Variants in EPHX2 observed in about 807,000 individuals in gnomAD.
The protein encoded by EPHX2 is bifunctional epoxide hydrolase 2.
EPHX2 carries 74 observed loss-of-function variants against 78.7 expected under a neutral mutation model. The observed-to-expected ratio is 0.94, with a 90% confidence interval of 0.78 to 1.14. EPHX2 has a LOEUF of 1.14. Ranked by LOEUF, EPHX2 falls within the 50% of genes most tolerant of loss-of-function variation. The pLI is 0.00. For synonymous variants in EPHX2, 251 were observed against 255.2 expected (o/e 0.98, Z 0.16); for missense variants, 715 against 702.5 (o/e 1.02, Z -0.20).
intron 12 of EPHX2, among the ~76,000 whole-genome samples, chr8:27,533,610 C>T (rs1815115610): frequency 6.6e-6 from 1 of 152,110 alleles, no homozygotes; most frequent in South Asian, 2.1e-4. Context: ...TTTTAAGAGA[C>T]AGGGTCTCAC....
intron 12 of EPHX2, among the ~76,000 whole-genome samples, chr8:27,535,754 G>A (rs115258051): frequency 5.9e-5 from 9 of 152,238 alleles, no homozygotes; most frequent in African/African-American, 2.2e-4. Context: ...GAGGGTTGGG[G>A]TAGGAAGGAG....
chr8:27,507,065 G>A (rs1202140218), intron 5 of EPHX2, 71 bp downstream of exon 5: 9 of 1,570,268 alleles, frequency 5.7e-6, no homozygotes, highest in African/African-American at 2.7e-5. Context: ...AGAAAACCAC[G>A]AGCAGAGAAG....
At chr8:27,512,411 G>A (rs1378160932) in intron 6 of EPHX2, among the ~76,000 whole-genome samples, 4 of 152,244 alleles carry the variant, frequency 2.6e-5, no homozygotes, top group Non-Finnish European at 5.9e-5. Context: ...GCACAGGCCA[G>A]ATACAAGGGG....
At chr8:27,545,846 G>A (rs1815566258), downstream of EPHX2, among the ~76,000 whole-genome samples, 1 of 152,160 alleles carries the variant, frequency 6.6e-6, no homozygotes, top group African/African-American at 2.4e-5. Context: ...TAGGGAGAAA[G>A]CCAGGAGAGG....
chr8:27,536,840 C>G lies in EPHX2; in HGVS notation c.1227C>G (p.Phe409Leu). Residue 409 changes from phenylalanine (F) to leucine (L), a missense_variant, in exon 13 of 19, where the codon TTC becomes TTG. Coordinates refer to ENST00000521400, the MANE Select transcript of EPHX2 (RefSeq NM_001979.6). ...TGAGTCGGACTTTCAAAAGCCTCTT[C>G]AGAGCAAGCGATGAGGTGAGGGGTG... Reference protein sequence around the residue: ...QNLSRTFKSLFRASDESVLSM... With the variant: ...QNLSRTFKSLLRASDESVLSM... 1 of 1,612,528 alleles carries G rather than the reference C, an allele frequency of 6.2e-7. No individual in the cohort carries two copies. The highest frequency in any genetic ancestry group is 8.5e-7 in the Non-Finnish European group (1 of 1,179,766).
At chr8:27,516,774 TTC>T (rs2132747545) in intron 8 of EPHX2, among the ~76,000 whole-genome samples, 1 of 152,320 alleles carries the variant, frequency 6.6e-6, no homozygotes, top group South Asian at 2.1e-4. Flanking sequence ...CCATTCTACT[TTC>T]TGTCTCTATG....
At chr8:27,507,270 T>C (rs2741334) in intron 5 of EPHX2, among the ~76,000 whole-genome samples, 141,888 of 152,248 alleles carry the variant, frequency 0.93, 66,272 homozygotes, top group African/African-American at 0.98. Context: ...ATGTTCAAGG[T>C]CATCCTGACC....
At chr8:27,516,549 T>A in intron 8 of EPHX2, 151 bp downstream of exon 8, 2 of 711,686 alleles carry the variant, frequency 2.8e-6, no homozygotes, top group Admixed American at 4.9e-5. Context: ...TACGGTGCCC[T>A]GTGTCTCTGC....
At chr8:27,548,028 C>CAAA (rs1254279107), downstream of EPHX2, among the ~76,000 whole-genome samples, 10 of 152,220 alleles carry the variant, frequency 6.6e-5, no homozygotes, top group Non-Finnish European at 2.9e-5. Context: ...TATTCTCTCT[C>CAAA]ACACCCTCCA....
At chr8:27,545,661 G>A (rs900638943), downstream of EPHX2, 1 of 152,350 alleles carries the variant, frequency 6.6e-6, no homozygotes, top group African/African-American at 2.4e-5. Flanking sequence ...CCTCCTCCAA[G>A]CCCATAGGCT....
chr8:27,508,024 G>A (rs1441841246), intron 5 of EPHX2, among the ~76,000 whole-genome samples: 1 of 152,148 alleles, frequency 6.6e-6, no homozygotes, highest in Non-Finnish European at 1.5e-5. Context: ...GCTAAGGCTG[G>A]GTGCAGTGGC....
At chr8:27,546,514 G>T (rs976376601), downstream of EPHX2, among the ~76,000 whole-genome samples, 7 of 152,214 alleles carry the variant, frequency 4.6e-5, no homozygotes, top group African/African-American at 1.7e-4. Context: ...TGGGGGAAAG[G>T]CTTACACCAG....
At chr8:27,518,772 T>C (rs1157551618) in intron 9 of EPHX2, among the ~76,000 whole-genome samples, 1 of 152,234 alleles carries the variant, frequency 6.6e-6, no homozygotes, top group Admixed American at 6.5e-5. Context: ...GGCTTTGGCA[T>C]CTCAGAAGCA....
chr8:27,509,607 T>C (rs1267973347), intron 5 of EPHX2, among the ~76,000 whole-genome samples: 1 of 152,162 alleles, frequency 6.6e-6, no homozygotes, highest in Admixed American at 6.5e-5. Context: ...TTGATCAGGC[T>C]GGTCTAAGTG....
intron 9 of EPHX2, among the ~76,000 whole-genome samples, chr8:27,518,471 T>C (rs1429627511): frequency 6.6e-6 from 1 of 152,204 alleles, no homozygotes; most frequent in African/African-American, 2.4e-5. Context: ...GTGACCAGCA[T>C]GGAATTCCTG....
At chr8:27,535,527 C>G (rs1251694322) in intron 12 of EPHX2, among the ~76,000 whole-genome samples, 1 of 152,184 alleles carries the variant, frequency 6.6e-6, no homozygotes, top group Admixed American at 6.5e-5. Context: ...GCCTCCAGGA[C>G]AGCTGTTTTC....
At chr8:27,491,539 A>G (rs1813379994) in intron 1 of EPHX2, among the ~76,000 whole-genome samples, 1 of 152,242 alleles carries the variant, frequency 6.6e-6, no homozygotes. Flanking sequence ...CTTTCTGTGA[A>G]CTTTTCCAAA....
chr8:27,491,580 C>T (rs1169592577), intron 1 of EPHX2, among the ~76,000 whole-genome samples: 1 of 152,240 alleles, frequency 6.6e-6, no homozygotes, highest in East Asian at 1.9e-4. Flanking sequence ...GAGCTTTGTG[C>T]TTCTGCTGCC....
At chr8:27,507,751 A>C (rs75770470) in intron 5 of EPHX2, among the ~76,000 whole-genome samples, 2,965 of 152,210 alleles carry the variant, frequency 0.019, 105 homozygotes, top group East Asian at 0.14. Flanking sequence ...GTATTTTCTC[A>C]CTGTTCTGGA....
Sources: gnomAD v4.1 joint callset for allele counts (sites outside exome capture counted in the v4.1 genomes callset) on GRCh38, gnomAD v4.1.1 for gene constraint, MANE v1.5 for transcripts, NCBI Gene and HGNC (gene_info 2026-07-23, HGNC 2026-07-21) for gene names.